CENPK: variants seen among roughly 807,000 people sequenced by gnomAD.
CENPK encodes the protein centromere protein K, also known as SoxLZ/Sox6-binding protein Solt.
In CENPK, 46 loss-of-function variants were observed where a neutral mutation model predicts 40.9. The observed-to-expected ratio is 1.13, with a 90% confidence interval of 0.89 to 1.44. The LOEUF is 1.44. Among genes scored for constraint, CENPK ranks in the 40% most tolerant of loss-of-function variants. The pLI, the probability that CENPK is intolerant of heterozygous loss-of-function variation, is 0.00. For missense variants in CENPK, 288 were observed against 303.5 expected (o/e 0.95, Z 0.38); for synonymous variants, 107 against 104.4 (o/e 1.02, Z -0.15).
At chr5:65,507,447 A>G in the CENPK span, among the ~76,000 whole-genome samples, 1 of 152,252 alleles carries the variant, frequency 6.6e-6, no homozygotes, top group African/African-American at 2.4e-5. Context: ...AGAGCTAAAC[A>G]ACAAAATCTG....
downstream of CENPK, among the ~76,000 whole-genome samples, chr5:65,513,913 T>C (rs373748575): frequency 2.0e-5 from 3 of 152,224 alleles, no homozygotes; most frequent in South Asian, 6.2e-4. Context: ...AGGTTTGTTT[T>C]TAATCACAAA....
At chr5:65,521,336 T>C (rs1027528473) in intron 10 of CENPK, 139 bp downstream of exon 10, 121 of 634,084 alleles carry the variant, frequency 1.9e-4, no homozygotes, top group Non-Finnish European at 1.5e-4. Flanking sequence ...CAAAGATATA[T>C]TATTACAAAT....
intron 6 of CENPK, chr5:65,541,307 G>A: frequency 2.3e-6 from 1 of 438,856 alleles, no homozygotes; most frequent in Non-Finnish European, 4.7e-6. Context: ...CTGAAACCGG[G>A]GTCAGGCATG....
chr5:65,545,328 A>G (rs1271931937), intron 5 of CENPK, among the ~76,000 whole-genome samples: 36 of 2,360 alleles, frequency 0.015, no homozygotes, highest in East Asian at 0.14. Context: ...AAGCGCGCAC[A>G]CACACACACA....
chr5:65,519,605 T>C (rs1244072543), intron 10 of CENPK, among the ~76,000 whole-genome samples: 1 of 152,094 alleles, frequency 6.6e-6, no homozygotes, highest in Non-Finnish European at 1.5e-5. Flanking sequence ...TTAAGGAACA[T>C]GGAAAAGAGA....
At chr5:65,556,662 G>A (rs1164477315) in intron 2 of CENPK, among the ~76,000 whole-genome samples, 1 of 152,112 alleles carries the variant, frequency 6.6e-6, no homozygotes, top group Non-Finnish European at 1.5e-5. Context: ...TAGCCTAAGT[G>A]TACAGTATTT....
intron 5 of CENPK, among the ~76,000 whole-genome samples, chr5:65,544,158 T>C (rs1748484767): frequency 6.6e-6 from 1 of 152,220 alleles, no homozygotes; most frequent in African/African-American, 2.4e-5. Context: ...TGGAAGGGTT[T>C]GCTCTCTGCT....
downstream of CENPK, among the ~76,000 whole-genome samples, chr5:65,515,204 A>AATTTTTTT (rs35708852): frequency 2.1e-4 from 26 of 124,064 alleles, no homozygotes; most frequent in South Asian, 2.6e-4. Flanking sequence ...TCTCAAAAAA[A>AATTTTTTT]TTTTTTTTTT....
chr5:65,512,682 T>G, the CENPK span, among the ~76,000 whole-genome samples: 7,232 of 152,316 alleles, frequency 0.047, 298 homozygotes, highest in African/African-American at 0.1. Context: ...ATCAAACAAT[T>G]TGTGTGACTC....
intron 9 of CENPK, among the ~76,000 whole-genome samples, chr5:65,523,240 T>G (rs1384608808): frequency 6.6e-6 from 1 of 152,098 alleles, no homozygotes; most frequent in Non-Finnish European, 1.5e-5. Flanking sequence ...TAGCCACATA[T>G]TCTATCTCTT....
At chr5:65,554,973 A>G in intron 2 of CENPK, 27 bp from the exon 3 acceptor site, 1 of 954,684 alleles carries the variant, frequency 1.0e-6, no homozygotes, top group Non-Finnish European at 1.7e-6. Flanking sequence ...TTATTCATTC[A>G]GCAGTATTGG....
the CENPK span, among the ~76,000 whole-genome samples, chr5:65,500,758 G>A: frequency 6.6e-6 from 1 of 152,154 alleles, no homozygotes; most frequent in South Asian, 2.1e-4. Flanking sequence ...TGCCTCCTGG[G>A]TTCAAGCAAT....
downstream of CENPK, among the ~76,000 whole-genome samples, chr5:65,515,204 A>AATTTTTTTTTTTTTTTTTTTTTTT (rs35708852): frequency 8.1e-6 from 1 of 124,056 alleles, no homozygotes; most frequent in Non-Finnish European, 1.6e-5. Flanking sequence ...TCTCAAAAAA[A>AATTTTTTTTTTTTTTTTTTTTTTT]TTTTTTTTTT....
chr5:65,528,895 A>C (rs1561633242), intron 8 of CENPK, 24 bp downstream of exon 8: 1 of 1,339,800 alleles, frequency 7.5e-7, no homozygotes, highest in Middle Eastern at 2.0e-4. Flanking sequence ...CCTATTTTAA[A>C]AACCTAGAAC....
At position 65,563,140 on chromosome 5, in the gene CENPK, G is replaced by C; in HGVS notation, c.-184C>G. Reference sequence around the variant, plus strand: ...CTCCAGGTCGCCTAGGCGCTGCGCAGGAAGCGCTTGCCAGCCCCGGACTTC... The same window carrying C: ...CTCCAGGTCGCCTAGGCGCTGCGCACGAAGCGCTTGCCAGCCCCGGACTTC... On this transcript the variant is annotated 5_prime_UTR_variant, in exon 1 of 11. Transcript: ENST00000396679. 1.2e-6 allele frequency: 1 copy of C among 818,568 alleles called. No individual in the cohort carries two copies. Among genetic ancestry groups the C allele is most frequent in the East Asian group, 2.7e-5 (1 of 36,430 alleles). 50.7% of individuals were successfully genotyped at this position (818,568 alleles called of 1,614,324 possible). A position where few individuals can be genotyped will look rare whatever the true frequency, so the allele number is the denominator to read the frequency against.
downstream of CENPK, among the ~76,000 whole-genome samples, chr5:65,515,204 A>ATT (rs1554102335): frequency 6.8e-4 from 84 of 124,060 alleles, 1 homozygote; most frequent in African/African-American, 2.5e-3. Context: ...TCTCAAAAAA[A>ATT]TTTTTTTTTT....
At chr5:65,504,059 T>G in the CENPK span, among the ~76,000 whole-genome samples, 2 of 152,082 alleles carry the variant, frequency 1.3e-5, no homozygotes, top group Non-Finnish European at 2.9e-5. Context: ...GCGATCATTA[T>G]ACTAAGTATG....
rs777793586 is a variant in CENPK, at chr5:65,554,781, A to G, written c.111+16T>C. 3 of 1,268,422 alleles carry G rather than the reference A, an allele frequency of 2.4e-6. No individual in the cohort carries two copies. Among genetic ancestry groups the G allele is most frequent in the Non-Finnish European group, 3.5e-6 (3 of 867,972 alleles). The allele number at this position is 1,268,422 out of a possible 1,614,324, so 78.6% of individuals were successfully genotyped here. On this transcript the variant is annotated intron_variant, in intron 3 of 10. Coordinates refer to ENST00000396679, the MANE Select transcript of CENPK (RefSeq NM_022145.5). ...AAATCTTATATTAACTATCACTTCT[A>G]TCTTTTGAAACTTACTTCTTCCATA... is the stretch of plus-strand genomic sequence containing the variant.
chr5:65,519,543 T>A (rs1454315766), intron 10 of CENPK, among the ~76,000 whole-genome samples: 1 of 152,166 alleles, frequency 6.6e-6, no homozygotes, highest in Non-Finnish European at 1.5e-5. Flanking sequence ...TGGATTAGAC[T>A]CCGTATCTCT....
Sources: gnomAD v4.1 joint callset for allele counts (sites outside exome capture counted in the v4.1 genomes callset) on GRCh38, gnomAD v4.1.1 for gene constraint, MANE v1.5 for transcripts, NCBI Gene and HGNC (gene_info 2026-07-23, HGNC 2026-07-21) for gene names.